SRD5A2: variants seen among roughly 807,000 people sequenced by gnomAD.
SRD5A2 encodes the protein 3-oxo-5-alpha-steroid 4-dehydrogenase 2.
SRD5A2 carries 30 observed loss-of-function variants against 27.4 expected under a neutral mutation model. The observed-to-expected ratio is 1.10, with a 90% CI of 0.82 to 1.49. The LOEUF (loss-of-function observed/expected upper bound fraction) is 1.49. Among genes scored for constraint, SRD5A2 ranks in the 40% most tolerant of loss-of-function variants. SRD5A2 has a pLI of 0.00. For synonymous variants in SRD5A2, 141 were observed against 133.6 expected, an observed-to-expected ratio of 1.06 and a Z score of -0.38; for missense variants, 348 against 323.4, an observed-to-expected ratio of 1.08 and a Z score of -0.58.
chr2:31,566,076 A>G (rs1373698449), intron 1 of SRD5A2, among the ~76,000 whole-genome samples: 1 of 152,118 alleles, frequency 6.6e-6, no homozygotes, highest in Non-Finnish European at 1.5e-5. Context: ...AAATTCCTAA[A>G]CATTTGGAAA....
chr2:31,578,399 T>C (rs1177910542), intron 1 of SRD5A2, among the ~76,000 whole-genome samples: 1 of 152,182 alleles, frequency 6.6e-6, no homozygotes, highest in Non-Finnish European at 1.5e-5. Context: ...TTCCTCGTTA[T>C]TGTGTGACCT....
At chr2:31,628,903 C>T in the SRD5A2 span, among the ~76,000 whole-genome samples, 123 of 152,182 alleles carry the variant, frequency 8.1e-4, no homozygotes, top group Non-Finnish European at 1.1e-3. Flanking sequence ...TTGGAGAATC[C>T]GATGACTGTG....
the SRD5A2 span, among the ~76,000 whole-genome samples, chr2:31,593,790 A>C: frequency 1.3e-5 from 2 of 152,186 alleles, no homozygotes; most frequent in Admixed American, 6.5e-5. Context: ...CTTAACTGTG[A>C]GGCAAAATCA....
In SRD5A2 at chr2:31,560,232, T is replaced by C. The variant is rs1481200080; in HGVS notation, c.281+20388A>G. Among the ~76,000 whole-genome samples, 3 of 152,166 alleles carry C rather than the reference T, an allele frequency of 2.0e-5. No individual in the cohort carries two copies. In the East Asian group the frequency reaches 5.8e-4, roughly 29 times the overall value. ...ACATTCCATTCTTCTTTCCATCTTG[T>C]TGCTACTGCTATTTAGAAATCTGTC... On this transcript the variant is annotated intron_variant, in intron 1 of 4. Coordinates refer to ENST00000622030, the MANE Select transcript of SRD5A2 (RefSeq NM_000348.4).
chr2:31,581,944 T>C (rs1201036349), upstream of SRD5A2, among the ~76,000 whole-genome samples: 3 of 152,332 alleles, frequency 2.0e-5, no homozygotes, highest in Non-Finnish European at 4.4e-5. Flanking sequence ...TCTTCCGTTC[T>C]ATGATTCAGC....
At chr2:31,600,785 A>G in the SRD5A2 span, among the ~76,000 whole-genome samples, 1 of 152,040 alleles carries the variant, frequency 6.6e-6, no homozygotes, top group African/African-American at 2.4e-5. Flanking sequence ...CAATATCTCT[A>G]ATGAATATTG....
At chr2:31,624,284 AC>A in the SRD5A2 span, among the ~76,000 whole-genome samples, 1 of 151,976 alleles carries the variant, frequency 6.6e-6, no homozygotes, top group Non-Finnish European at 1.5e-5. Flanking sequence ...ATTATTGTTG[AC>A]TACACTCACC....
At chr2:31,533,789 G>A (rs1470395406) in intron 1 of SRD5A2, 23 bp from the exon 2 acceptor site, 1 of 1,591,850 alleles carries the variant, frequency 6.3e-7, no homozygotes, top group Non-Finnish European at 8.6e-7. Context: ...GGGAGGAAAG[G>A]TTAGGATTCA....
the SRD5A2 span, among the ~76,000 whole-genome samples, chr2:31,615,438 C>T: frequency 2.0e-5 from 3 of 152,096 alleles, no homozygotes; most frequent in Non-Finnish European, 4.4e-5. Context: ...GTGACTCTTG[C>T]TATGTTTTAG....
chr2:31,550,733 A>T (rs1452422852), intron 1 of SRD5A2, among the ~76,000 whole-genome samples: 3 of 151,978 alleles, frequency 2.0e-5, no homozygotes, highest in African/African-American at 7.2e-5. Context: ...GTAGAGGAAA[A>T]CTTCCTGAAC....
chr2:31,538,785 T>C (rs563923898), intron 1 of SRD5A2, among the ~76,000 whole-genome samples: 1 of 152,344 alleles, frequency 6.6e-6, no homozygotes, highest in African/African-American at 2.4e-5. Context: ...AAATCTACTT[T>C]ACTTTTTCCA....
At chr2:31,596,293 C>G in the SRD5A2 span, among the ~76,000 whole-genome samples, 1 of 146,180 alleles carries the variant, frequency 6.8e-6, no homozygotes, top group Non-Finnish European at 1.5e-5. Context: ...GAGGCTGAGA[C>G]AGGAGAATCA....
chr2:31,560,488 G>A (rs1666600036), intron 1 of SRD5A2, among the ~76,000 whole-genome samples: 1 of 152,140 alleles, frequency 6.6e-6, no homozygotes, highest in Non-Finnish European at 1.5e-5. Flanking sequence ...ATAAGCCCTT[G>A]TTATTTGAGA....
chr2:31,624,896 G>A, the SRD5A2 span, among the ~76,000 whole-genome samples: 6 of 152,058 alleles, frequency 3.9e-5, no homozygotes, highest in African/African-American at 1.4e-4. Context: ...TGCTGGGTCA[G>A]TTGGTATTTC....
intron 1 of SRD5A2, among the ~76,000 whole-genome samples, chr2:31,554,971 G>GTGTGTGTA (rs1666465220): frequency 3.0e-5 from 4 of 134,698 alleles, no homozygotes; most frequent in South Asian, 2.5e-4. Context: ...GTGTGTGTAT[G>GTGTGTGTA]TGTGTGTGTG....
At chr2:31,549,732 T>C (rs1666346005) in intron 1 of SRD5A2, among the ~76,000 whole-genome samples, 1 of 152,052 alleles carries the variant, frequency 6.6e-6, no homozygotes, top group South Asian at 2.1e-4. Context: ...AACTGGCAAA[T>C]TATATGAAGC....
the SRD5A2 span, among the ~76,000 whole-genome samples, chr2:31,630,211 C>A: frequency 3.9e-5 from 6 of 152,076 alleles, no homozygotes; most frequent in Non-Finnish European, 7.3e-5. Context: ...AACTGATAAC[C>A]CAGTACTTTA....
intron 1 of SRD5A2, among the ~76,000 whole-genome samples, chr2:31,568,284 C>A (rs1016616537): frequency 3.3e-5 from 5 of 152,156 alleles, no homozygotes; most frequent in African/African-American, 1.2e-4. Context: ...ATGTTTCAGA[C>A]CTGTTTGTGT....
intron 1 of SRD5A2, among the ~76,000 whole-genome samples, chr2:31,565,370 A>G (rs556951468): frequency 6.6e-6 from 1 of 151,948 alleles, no homozygotes; most frequent in Non-Finnish European, 1.5e-5. Flanking sequence ...TAAACATTCT[A>G]ATATCCCAGT....
Sources: gnomAD v4.1 joint callset for allele counts (sites outside exome capture counted in the v4.1 genomes callset) on GRCh38, gnomAD v4.1.1 for gene constraint, MANE v1.5 for transcripts, NCBI Gene and HGNC (gene_info 2026-07-23, HGNC 2026-07-21) for gene names.